Variants in TMEM132B observed in about 807,000 individuals in gnomAD.
TMEM132B encodes the protein transmembrane protein 132B.
A neutral mutation model predicts 90.8 loss-of-function variants in TMEM132B; 18 were observed. That is an observed-to-expected ratio of 0.20 (90% CI 0.14 to 0.29). TMEM132B has a LOEUF of 0.29. TMEM132B is among the 10% of genes least tolerant of loss of function. The probability of loss-of-function intolerance (pLI) is 1.00; values close to 1 mark genes in which losing one functional copy is unlikely to be tolerated. For missense variants in TMEM132B, 1,096 were observed against 1,326.8 expected (o/e 0.83, Z 2.70); for synonymous variants, 504 against 523.3 (o/e 0.96, Z 0.50).
In TMEM132B at chr12:125,442,624, T is replaced by G. The variant is rs140287829; in HGVS notation, c.1106+26947T>G. Among the ~76,000 whole-genome samples the G allele has an allele frequency of 5.9e-4, 90 of 152,300 alleles. 1 individual carries two copies. The highest frequency in any genetic ancestry group is 2.0e-3 in the African/African-American group (85 of 41,566). On this transcript the variant is annotated intron_variant, in intron 3 of 8. Coordinates refer to ENST00000682704, the MANE Select transcript of TMEM132B (RefSeq NM_001366854.1). ...TTACGGGAACAGAACAAGCCCTTAT[T>G]AAATTACATCCTCAAAAAGATAAGA...
intron 1 of TMEM132B, among the ~76,000 whole-genome samples, chr12:125,208,988 T>TC: frequency 6.6e-6 from 1 of 152,186 alleles, no homozygotes; most frequent in East Asian, 1.9e-4. Flanking sequence ...GAGTGCTGCG[T>TC]CCCCTCTGAG....
chr12:125,327,194 TCTC>T (rs1435122928), intron 1 of TMEM132B, among the ~76,000 whole-genome samples: 8 of 152,178 alleles, frequency 5.3e-5, no homozygotes, highest in African/African-American at 9.6e-5. Context: ...GACACCCAAA[TCTC>T]CTTCTAGCTC....
chr12:125,525,797 G>A (rs1166312341), intron 4 of TMEM132B, among the ~76,000 whole-genome samples: 1 of 152,114 alleles, frequency 6.6e-6, no homozygotes, highest in African/African-American at 2.4e-5. Context: ...TGCCCACTGA[G>A]TGGCCACATC....
At chr12:125,393,836 G>A (rs1879096395) in intron 2 of TMEM132B, among the ~76,000 whole-genome samples, 1 of 152,214 alleles carries the variant, frequency 6.6e-6, no homozygotes, top group Admixed American at 6.5e-5. Context: ...CCCAGGCACT[G>A]TCACAGGAGG....
intron 5 of TMEM132B, among the ~76,000 whole-genome samples, chr12:125,625,633 G>A (rs1157248276): frequency 6.6e-6 from 1 of 152,182 alleles, no homozygotes; most frequent in Non-Finnish European, 1.5e-5. Context: ...ATTCACATAA[G>A]AATTTTTGTG....
intron 1 of TMEM132B, among the ~76,000 whole-genome samples, chr12:125,306,455 C>T (rs117880237): frequency 0.01 from 1,568 of 152,268 alleles, 17 homozygotes; most frequent in Middle Eastern, 0.02. Flanking sequence ...TGGCCCAAAA[C>T]CATACTTCCC....
chr12:125,567,667 T>C (rs1019722541), intron 4 of TMEM132B, among the ~76,000 whole-genome samples: 2 of 152,190 alleles, frequency 1.3e-5, no homozygotes, highest in Admixed American at 6.5e-5. Flanking sequence ...ACCATTTCTC[T>C]CCGTAATGCC....
chr12:125,468,911 T>C (rs1234184131), intron 3 of TMEM132B, among the ~76,000 whole-genome samples: 1 of 152,258 alleles, frequency 6.6e-6, no homozygotes, highest in Admixed American at 6.5e-5. Context: ...TGTTAGTATA[T>C]AGAAACACAA....
rs757137864 is a variant in TMEM132B at position 125,647,897 on chromosome 12, CTTTT to C, written c.1644-2772_1644-2769del. On this transcript the variant is annotated intron_variant, in intron 6 of 8. Coordinates refer to ENST00000682704, the MANE Select transcript of TMEM132B (RefSeq NM_001366854.1). The stretch of plus-strand genomic sequence containing the variant: ...AAAACATACTTAAAACAATTGTATC[CTTTT>C]TTTTTTTTTTTTTAATTATACTTTA... 4.8e-3 allele frequency among the ~76,000 whole-genome samples: 656 copies of C among 135,300 alleles called. 5 individuals are homozygous for C. The highest frequency in any genetic ancestry group is 0.015 in the African/African-American group (563 of 36,854). The allele number at this position is 135,300 out of a possible 152,430, so 88.8% of individuals were successfully genotyped here.
intron 4 of TMEM132B, 143 bp from the exon 5 acceptor site, chr12:125,583,708 G>C: frequency 1.0e-6 from 1 of 978,922 alleles, no homozygotes; most frequent in East Asian, 2.4e-5. Flanking sequence ...TTTTGTGTGA[G>C]CTTTGTGGCT....
intron 4 of TMEM132B, among the ~76,000 whole-genome samples, chr12:125,556,818 G>C (rs1482135827): frequency 6.6e-6 from 1 of 152,046 alleles, no homozygotes; most frequent in African/African-American, 2.4e-5. Flanking sequence ...GCAGTGCCAC[G>C]ATCTCGGCTC....
intron 1 of TMEM132B, among the ~76,000 whole-genome samples, chr12:125,220,274 C>T (rs1377649477): frequency 6.6e-6 from 1 of 152,218 alleles, no homozygotes; most frequent in East Asian, 1.9e-4. Context: ...GGGCCTCCTT[C>T]CTTCCTCAAG....
intron 2 of TMEM132B, among the ~76,000 whole-genome samples, chr12:125,399,485 G>GTGTA (rs1555246080): frequency 1.4e-3 from 169 of 119,706 alleles, no homozygotes; most frequent in Middle Eastern, 0.011. Context: ...GTGTGTGTAT[G>GTGTA]TGTGTGTGTG....
chr12:125,533,055 G>T (rs1883687254), intron 4 of TMEM132B, among the ~76,000 whole-genome samples: 1 of 152,100 alleles, frequency 6.6e-6, no homozygotes, highest in African/African-American at 2.4e-5. Flanking sequence ...CCACAGCTGG[G>T]GAGATGTGAG....
chr12:125,392,067 T>C (rs1033658511), intron 2 of TMEM132B, among the ~76,000 whole-genome samples: 2 of 152,218 alleles, frequency 1.3e-5, no homozygotes, highest in African/African-American at 2.4e-5. Flanking sequence ...GTGCCCGGCC[T>C]TAGTTTTATT....
intron 1 of TMEM132B, among the ~76,000 whole-genome samples, chr12:125,283,062 C>T (rs1875245047): frequency 6.6e-6 from 1 of 152,146 alleles, no homozygotes; most frequent in Non-Finnish European, 1.5e-5. Context: ...AAAGGCAGCC[C>T]CACTTTAGGC....
chr12:125,568,953 C>T (rs1207575762), intron 4 of TMEM132B, among the ~76,000 whole-genome samples: 2 of 152,160 alleles, frequency 1.3e-5, no homozygotes, highest in Non-Finnish European at 2.9e-5. Flanking sequence ...GTGTGATTCC[C>T]ACCCAGTTCT....
At chr12:125,210,858 G>A (rs935581611) in intron 1 of TMEM132B, among the ~76,000 whole-genome samples, 2 of 152,268 alleles carry the variant, frequency 1.3e-5, no homozygotes, top group Non-Finnish European at 2.9e-5. Context: ...AGCTACTTGG[G>A]AGGCTGAGGC....
At chr12:125,461,159 G>A (rs1005943859) in intron 3 of TMEM132B, among the ~76,000 whole-genome samples, 5 of 152,218 alleles carry the variant, frequency 3.3e-5, no homozygotes, top group African/African-American at 9.6e-5. Flanking sequence ...GTACCCAGGA[G>A]AGCCAGAGCT....
Sources: allele counts gnomAD v4.1 joint callset (sites outside exome capture counted in the v4.1 genomes callset), GRCh38; gene constraint gnomAD v4.1.1; transcripts MANE v1.5; gene names NCBI Gene and HGNC (gene_info 2026-07-23, HGNC 2026-07-21).